ELMO1: variants seen among roughly 807,000 people sequenced by gnomAD.
The protein encoded by ELMO1 is engulfment and cell motility 1, also known as engulfment and cell motility protein 1.
Under a neutral mutation model 98.9 loss-of-function variants are expected in ELMO1, and 26 were observed. The ratio of observed to expected loss-of-function variants is 0.26; its 90% CI spans 0.19 to 0.36. The LOEUF (loss-of-function observed/expected upper bound fraction) is 0.36. ELMO1 is among the 10% of genes least tolerant of loss of function. The pLI, the probability that ELMO1 is intolerant of heterozygous loss-of-function variation, is 1.00. For synonymous variants in ELMO1, 346 were observed against 346.0 expected (o/e 1.00, Z 0.00); for missense variants, 627 against 935.2 (o/e 0.67, Z 4.30).
intron 16 of ELMO1, among the ~76,000 whole-genome samples, chr7:36,942,057 G>C (rs547501333): frequency 6.6e-6 from 1 of 152,152 alleles, no homozygotes. Flanking sequence ...TAGAGGTAGA[G>C]GTTAACATTA....
chr7:37,424,565 G>C (rs1804627791), intron 1 of ELMO1, among the ~76,000 whole-genome samples: 1 of 152,180 alleles, frequency 6.6e-6, no homozygotes, highest in African/African-American at 2.4e-5. Context: ...CTAGGCCTTA[G>C]AGATTCTGGC....
At chr7:36,866,090 C>T (rs1803013352) in intron 20 of ELMO1, among the ~76,000 whole-genome samples, 1 of 152,232 alleles carries the variant, frequency 6.6e-6, no homozygotes, top group African/African-American at 2.4e-5. Context: ...AATGGATCTT[C>T]ACTCTGGTGA....
At chr7:37,281,427 C>G (rs1797136076) in intron 4 of ELMO1, among the ~76,000 whole-genome samples, 1 of 152,266 alleles carries the variant, frequency 6.6e-6, no homozygotes, top group East Asian at 1.9e-4. Context: ...CAATACCCCC[C>G]ACAAACAGGG....
chr7:36,934,536 A>T (rs1022061909), intron 16 of ELMO1, among the ~76,000 whole-genome samples: 1 of 152,234 alleles, frequency 6.6e-6, no homozygotes, highest in African/African-American at 2.4e-5. Context: ...GGGCATTATA[A>T]AAGTTAATAA....
At chr7:36,895,505 G>C (rs2072523) in intron 16 of ELMO1, among the ~76,000 whole-genome samples, 22,523 of 152,102 alleles carry the variant, frequency 0.15, 1,995 homozygotes, top group East Asian at 0.34. Context: ...GACTGCTTTC[G>C]CCATGTAGTT....
intron 16 of ELMO1, among the ~76,000 whole-genome samples, chr7:36,955,834 A>G (rs933557118): frequency 1.3e-5 from 2 of 152,184 alleles, no homozygotes; most frequent in African/African-American, 4.8e-5. Flanking sequence ...AATTCTTGAT[A>G]TCTTTCAAAG....
At chr7:37,077,427 G>A (rs753811905) in intron 15 of ELMO1, among the ~76,000 whole-genome samples, 2 of 152,190 alleles carry the variant, frequency 1.3e-5, no homozygotes, top group Non-Finnish European at 2.9e-5. Context: ...CTGGGGCGTG[G>A]TGGTGTTGCA....
chr7:37,310,749 C>T (rs1233391370), intron 4 of ELMO1, among the ~76,000 whole-genome samples: 3 of 152,166 alleles, frequency 2.0e-5, no homozygotes, highest in Admixed American at 2.0e-4. Flanking sequence ...TCAGAGATGG[C>T]ATAGAGAGCT....
Position 37,013,323 on chromosome 7 carries a change from C to A in ELMO1, c.1413G>T (p.Arg471Ser), listed in dbSNP as rs1451768906. 6.2e-7 allele frequency: 1 copy of A among 1,614,056 alleles called. No homozygotes were observed. The highest frequency in any genetic ancestry group is 8.5e-7 in the Non-Finnish European group (1 of 1,179,980). ...QLLNKTWKEMRATSEDFNKVM... is the reference protein window; with the variant it reads ...QLLNKTWKEMSATSEDFNKVM... ...CCTTGTTGAAGTCTTCAGAAGTTGC[C>A]CTCATTTCCTTCCATGTCTTGTTCA... Residue 471 changes from arginine (R) to serine (S), a missense_variant, in exon 16 of 22, where the codon AGG (arginine) becomes AGT (serine). Around this residue, in one of 3 missense-constraint regions of ELMO1, gnomAD observed 492 missense variants for 715.6 expected, o/e 0.69. Transcript: ENST00000310758.
chr7:37,307,329 TGGCTTTATAAGG>T (rs554328305), intron 4 of ELMO1, among the ~76,000 whole-genome samples: 365 of 152,276 alleles, frequency 2.4e-3, no homozygotes, highest in Middle Eastern at 6.8e-3. Context: ...ACAGACCTGA[TGGCTTTATAAGG>T]GGCTTTATAA....
chr7:37,441,483 A>G (rs1473644361), intron 1 of ELMO1, among the ~76,000 whole-genome samples: 1 of 152,208 alleles, frequency 6.6e-6, no homozygotes, highest in African/African-American at 2.4e-5. Flanking sequence ...AATATCAATA[A>G]CCATTACTAT....
intron 11 of ELMO1, among the ~76,000 whole-genome samples, 154 bp downstream of exon 11, chr7:37,216,491 C>T (rs1793290847): frequency 1.3e-5 from 2 of 152,156 alleles, no homozygotes; most frequent in South Asian, 4.1e-4. Context: ...TATTCCAATT[C>T]CAAAAACTCA....
At position 36,974,789 on chromosome 7, in the gene ELMO1, T is replaced by C. The variant is rs375154386; in HGVS notation, c.1437+38510A>G. Among the ~76,000 whole-genome samples the C allele has an allele frequency of 1.2e-4, 19 of 152,316 alleles. No homozygotes were observed. The East Asian group carries it at 3.7e-3, about 29-fold the overall frequency. On this transcript the variant is annotated intron_variant, in intron 16 of 21. Coordinates refer to ENST00000310758, the MANE Select transcript of ELMO1 (RefSeq NM_014800.11). ...CTCACTCTTTAGGTCCACACTGCTT[T>C]TATGAGCTGTAACACTCACCGCGAA...
chr7:37,216,842 T>C (rs1368955989), intron 10 of ELMO1, 147 bp from the exon 11 acceptor site: 5 of 734,392 alleles, frequency 6.8e-6, no homozygotes, highest in Non-Finnish European at 1.1e-5. Flanking sequence ...CAGGCAGTAG[T>C]ATTCAAATTA....
At chr7:37,101,015 A>C (rs959062843) in intron 14 of ELMO1, among the ~76,000 whole-genome samples, 5 of 152,212 alleles carry the variant, frequency 3.3e-5, no homozygotes, top group Admixed American at 1.3e-4. Flanking sequence ...TCGTGTTTTT[A>C]TCTCTTTATT....
At chr7:36,888,918 G>A (rs1038960629) in intron 17 of ELMO1, among the ~76,000 whole-genome samples, 3 of 152,108 alleles carry the variant, frequency 2.0e-5, no homozygotes, top group Non-Finnish European at 4.4e-5. Flanking sequence ...TGCAATTTTA[G>A]CTCATTTAAC....
chr7:37,221,146 C>T lies in ELMO1; in HGVS notation c.780+1469G>A, dbSNP rs562098106. On this transcript the variant is annotated intron_variant, in intron 10 of 21. Transcript: ENST00000310758. ...CTAGCACAGGCTTGTGGAGGGCAGG[C>T]ACCTCCACCTGGCTCCAGCGAACAC... Among the ~76,000 whole-genome samples, 8 of 152,286 alleles carry T rather than the reference C, an allele frequency of 5.3e-5. No homozygotes were observed. In the East Asian group the frequency reaches 1.5e-3, roughly 29 times the overall value.
intron 7 of ELMO1, among the ~76,000 whole-genome samples, chr7:37,243,351 T>C (rs1794847579): frequency 1.3e-5 from 2 of 152,132 alleles, no homozygotes; most frequent in South Asian, 4.1e-4. Flanking sequence ...ATACCGAGCT[T>C]GTATGTTGAA....
intron 16 of ELMO1, among the ~76,000 whole-genome samples, chr7:36,947,539 C>T (rs1787601501): frequency 6.6e-6 from 1 of 152,160 alleles, no homozygotes; most frequent in Non-Finnish European, 1.5e-5. Flanking sequence ...TGTTTATCTC[C>T]TGCTTGGATC....
Sources: allele counts gnomAD v4.1 joint callset (sites outside exome capture counted in the v4.1 genomes callset), GRCh38; gene constraint gnomAD v4.1.1; regional missense constraint gnomAD v4.1.1; transcripts MANE v1.5; gene names NCBI Gene and HGNC (gene_info 2026-07-23, HGNC 2026-07-21).